The following ACTN4 variants were observed in gnomAD, a reference collection of about 807,000 sequenced individuals.
ACTN4 encodes alpha-actinin-4.
Under a neutral mutation model 114.2 loss-of-function variants are expected in ACTN4, and 18 were observed. The ratio of observed to expected loss-of-function variants is 0.16; its 90% CI spans 0.11 to 0.23. The LOEUF (loss-of-function observed/expected upper bound fraction) is 0.23. Ranked by LOEUF, ACTN4 falls within the 10% of genes least tolerant of loss-of-function variation. The pLI is 1.00. For missense variants in ACTN4, 722 were observed against 1,262.9 expected, an observed-to-expected ratio of 0.57 and a Z score of 6.49; for synonymous variants, 515 against 506.3, an observed-to-expected ratio of 1.02 and a Z score of -0.23.
intron 1 of ACTN4, among the ~76,000 whole-genome samples, chr19:38,654,531 C>A (rs1298869806): frequency 6.8e-6 from 1 of 146,694 alleles, no homozygotes; most frequent in Non-Finnish European, 1.5e-5. Flanking sequence ...CACTGCACTC[C>A]AGCCTGGACG....
chr19:38,682,042 G>A (rs1967593755), intron 1 of ACTN4, among the ~76,000 whole-genome samples: 1 of 152,108 alleles, frequency 6.6e-6, no homozygotes, highest in Non-Finnish European at 1.5e-5. Context: ...TGTTGACCAG[G>A]CTGGTATCAA....
intron 1 of ACTN4, among the ~76,000 whole-genome samples, chr19:38,673,691 TTATATATA>T (rs1438293108): frequency 7.1e-5 from 5 of 70,190 alleles, no homozygotes; most frequent in Non-Finnish European, 1.4e-4. Flanking sequence ...TTTATATATA[TTATATATA>T]TTTATATATT....
At chr19:38,671,547 G>C (rs1053480593) in intron 1 of ACTN4, among the ~76,000 whole-genome samples, 2 of 152,216 alleles carry the variant, frequency 1.3e-5, no homozygotes, top group Non-Finnish European at 2.9e-5. Flanking sequence ...TCCATCCTGA[G>C]ATCTTTGTAA....
At chr19:38,718,732 C>T (rs1017720884) in intron 11 of ACTN4, among the ~76,000 whole-genome samples, 1 of 152,172 alleles carries the variant, frequency 6.6e-6, no homozygotes, top group Non-Finnish European at 1.5e-5. Context: ...GTCCCCTCTG[C>T]GTGTCTTCCC....
At chr19:38,706,306 G>GA (rs1968457674) in intron 5 of ACTN4, among the ~76,000 whole-genome samples, 175 bp downstream of exon 5, 1 of 152,234 alleles carries the variant, frequency 6.6e-6, no homozygotes, top group Non-Finnish European at 1.5e-5. Flanking sequence ...CCTCTCTGAG[G>GA]AAGAGGAGGC....
At chr19:38,684,182 A>G (rs535439237) in intron 1 of ACTN4, among the ~76,000 whole-genome samples, 22 of 152,298 alleles carry the variant, frequency 1.4e-4, no homozygotes, top group African/African-American at 5.3e-4. Context: ...CCTGGTACAC[A>G]CTAAGTGCTC....
chr19:38,694,379 C>T (rs1968025209), intron 1 of ACTN4, among the ~76,000 whole-genome samples: 1 of 152,020 alleles, frequency 6.6e-6, no homozygotes, highest in Admixed American at 6.6e-5. Context: ...CCTGTCTCAG[C>T]TTCCCGAGTA....
At chr19:38,659,176 T>C (rs1314958978) in intron 1 of ACTN4, among the ~76,000 whole-genome samples, 1 of 151,554 alleles carries the variant, frequency 6.6e-6, no homozygotes, top group East Asian at 2.0e-4. Context: ...TTCTCCTGCC[T>C]TAGGCTCCCG....
At chr19:38,704,525 C>T (rs1295393266) in intron 3 of ACTN4, among the ~76,000 whole-genome samples, 1 of 152,248 alleles carries the variant, frequency 6.6e-6, no homozygotes, top group East Asian at 1.9e-4. Flanking sequence ...GAGTGGGGGC[C>T]CGGGGTGCCC....
At chr19:38,715,386 A>G (rs990571072) in intron 9 of ACTN4, among the ~76,000 whole-genome samples, 1 of 152,170 alleles carries the variant, frequency 6.6e-6, no homozygotes, top group Non-Finnish European at 1.5e-5. Context: ...AGTCCCAGCT[A>G]CTTGGGAGGC....
At position 38,730,929 on chromosome 19, in the gene ACTN4, G is replaced by C. The variant is rs1264850887; in HGVS notation, c.*1497G>C. ...CTTGAGGCAGGGAGCTCGCAGGACA[G>C]AGCCTGAGCCACCCTGTCCCTCCCA... On this transcript the variant is annotated 3_prime_UTR_variant, in exon 21 of 21. Transcript: ENST00000252699. 12 of 1,550,428 alleles carry C rather than the reference G, an allele frequency of 7.7e-6. No individual in the cohort carries two copies. In the East Asian group the frequency reaches 2.9e-4, roughly 38 times the overall value.
chr19:38,674,584 C>T (rs970815208), intron 1 of ACTN4, among the ~76,000 whole-genome samples: 8 of 152,138 alleles, frequency 5.3e-5, no homozygotes, highest in Admixed American at 1.3e-4. Context: ...CTTCACTTTA[C>T]GTCAGTCCCA....
rs1969499354 is a variant in ACTN4, at chr19:38,730,501, ATAATAAAACATG to A, written c.*1075_*1086del. 21 of 329,556 alleles carry A rather than the reference ATAATAAAACATG, an allele frequency of 6.4e-5. No homozygotes were observed. In the South Asian group the frequency reaches 8.2e-4, roughly 13 times the overall value. The allele number at this position is 329,556 out of a possible 1,614,324, so 20.4% of individuals were successfully genotyped here. ...GGATAAACCACCCTCTGGGGACAGG[ATAATAAAACATG>A]TAATATTTTTAAGAAGGATTCCTGC... On this transcript the variant is annotated 3_prime_UTR_variant, in exon 21 of 21. Transcript: ENST00000252699.
At chr19:38,712,700 C>T (rs1047700325) in intron 8 of ACTN4, among the ~76,000 whole-genome samples, 2 of 152,124 alleles carry the variant, frequency 1.3e-5, no homozygotes, top group Non-Finnish European at 2.9e-5. Context: ...CAGCAATGGA[C>T]GATTCGTCAC....
Position 38,729,910 on chromosome 19 carries a change from GCCCCTCT to G in ACTN4, c.*487_*493del, listed in dbSNP as rs1032532128. 4.0e-5 allele frequency: 14 copies of G among 352,590 alleles called. No homozygotes were observed. Among genetic ancestry groups the G allele is most frequent in the Non-Finnish European group, 6.7e-5 (12 of 178,492 alleles). 21.8% of individuals were successfully genotyped at this position (352,590 alleles called of 1,614,324 possible). A position where few individuals can be genotyped will look rare whatever the true frequency, so the allele number is the denominator to read the frequency against. On this transcript the variant is annotated 3_prime_UTR_variant, in exon 21 of 21. Coordinates refer to ENST00000252699, the MANE Select transcript of ACTN4 (RefSeq NM_004924.6). ...CACCTGACGGCTGGGGACCCACCCAGCCCCTCTCCCCTCTCTGCTCCAGACTCACTTG... is the reference window on the plus strand; with the variant it reads ...CACCTGACGGCTGGGGACCCACCCAGCCCCTCTCTGCTCCAGACTCACTTG...
chr19:38,680,225 T>G (rs1046165401), intron 1 of ACTN4, among the ~76,000 whole-genome samples: 759 of 34,538 alleles, frequency 0.022, 8 homozygotes, highest in African/African-American at 0.039. Context: ...TTTTTTTTTT[T>G]TTTTTTTTTT....
Position 38,705,045 on chromosome 19 carries a change from G to A in ACTN4, c.484+25G>A, listed in dbSNP as rs200615072. ...GGTGACAGCCACCTGTACTGCCCCCGCTTCCCACCTGAGTCAGGGCGGGTT... is the reference window on the plus strand; with the variant it reads ...GGTGACAGCCACCTGTACTGCCCCCACTTCCCACCTGAGTCAGGGCGGGTT... On this transcript the variant is annotated intron_variant, in intron 4 of 20. Transcript: ENST00000252699. 2,090 of 1,601,294 alleles carry A rather than the reference G, an allele frequency of 1.3e-3. 41 individuals carry two copies. The Admixed American group carries it at 0.03, about 23-fold the overall frequency.
At chr19:38,688,390 C>CAAAAAAAA (rs35793948) in intron 1 of ACTN4, among the ~76,000 whole-genome samples, 2 of 81,124 alleles carry the variant, frequency 2.5e-5, no homozygotes, top group African/African-American at 5.2e-5. Flanking sequence ...TTGTCTCTAC[C>CAAAAAAAA]AAAAAAAAAA....
intron 6 of ACTN4, 75 bp from the exon 7 acceptor site, chr19:38,709,320 G>A: frequency 8.6e-7 from 1 of 1,169,022 alleles, no homozygotes. Context: ...CTCCCTCTGG[G>A]CCAGCCCTGC....
Sources: allele counts gnomAD v4.1 joint callset (sites outside exome capture counted in the v4.1 genomes callset), GRCh38; gene constraint gnomAD v4.1.1; transcripts MANE v1.5; gene names NCBI Gene and HGNC (gene_info 2026-07-23, HGNC 2026-07-21).